JAG1: variants seen among roughly 807,000 people sequenced by gnomAD.
The protein encoded by JAG1 is jagged canonical Notch ligand 1, also known as protein jagged-1.
A neutral mutation model predicts 148.7 loss-of-function variants in JAG1; 23 were observed. The observed-to-expected ratio is 0.15, with a 90% CI of 0.11 to 0.22. JAG1 has a LOEUF of 0.22. Ranked by LOEUF, JAG1 falls within the 10% of genes least tolerant of loss-of-function variation. The pLI is 1.00. For synonymous variants in JAG1, 572 were observed against 598.3 expected (o/e 0.96, Z 0.64); for missense variants, 1,054 against 1,611.2 (o/e 0.65, Z 5.92).
At chr20:10,646,842 C>A (rs1286734230) in intron 14 of JAG1, 97 bp downstream of exon 14, 821 of 913,198 alleles carry the variant, frequency 9.0e-4, no homozygotes, top group Middle Eastern at 1.7e-3. Flanking sequence ...AAAAAAAAAA[C>A]TTTCAACACC....
chr20:10,647,217 G>T, intron 13 of JAG1, 114 bp from the exon 14 acceptor site: 1 of 1,234,068 alleles, frequency 8.1e-7, no homozygotes, highest in Non-Finnish European at 1.2e-6. Flanking sequence ...TCTGGCTAAT[G>T]AGACACACCC....
chr20:10,641,370 GAGA>G (rs2067270117), intron 23 of JAG1, 87 bp downstream of exon 23: 1 of 1,500,730 alleles, frequency 6.7e-7, no homozygotes, highest in Non-Finnish European at 9.2e-7. Flanking sequence ...GTAAGCTAGG[GAGA>G]AGTAGATCCT....
rs375199216 is a variant in JAG1, at chr20:10,658,610, G to T, written c.552C>A (p.Arg184=). 2.5e-6 allele frequency: 4 copies of T among 1,614,096 alleles called. No homozygotes were observed. The highest frequency in any genetic ancestry group is 3.4e-6 in the Non-Finnish European group (4 of 1,180,048). ...CATAGTAGTAGTCATCACAGGTCAC[G>T]CGGATCTGATACTCAAAGTGGGCAA... The part of the protein sequence containing the change: ...TGVAHFEYQI[R]VTCDDYYYGF... Residue 184 remains arginine, a synonymous_variant, in exon 4 of 26, where the codon CGC becomes CGA. Coordinates refer to ENST00000254958, the MANE Select transcript of JAG1 (RefSeq NM_000214.3).
chr20:10,659,449 C>T (rs2067400091), intron 3 of JAG1, among the ~76,000 whole-genome samples: 2 of 152,142 alleles, frequency 1.3e-5, no homozygotes, highest in African/African-American at 4.8e-5. Context: ...TTCATTATTC[C>T]AGATAAAGGT....
At chr20:10,651,775 A>C (rs561824116) in intron 7 of JAG1, 81 bp from the exon 8 acceptor site, 3 of 839,632 alleles carry the variant, frequency 3.6e-6, no homozygotes. Context: ...CGAATCCCAC[A>C]CCACAGCCAC....
intron 3 of JAG1, among the ~76,000 whole-genome samples, chr20:10,660,799 C>T (rs539055988): frequency 1.8e-4 from 28 of 152,262 alleles, no homozygotes; most frequent in Admixed American, 1.4e-3. Flanking sequence ...TGTGGCAGTT[C>T]GTTTGGCAGT....
chr20:10,639,518 G>C lies in JAG1; in HGVS notation c.3637C>G (p.Arg1213Gly), dbSNP rs769276255. ...RDLESAQSLN[R>G]MEYIV ...GTCTGCTATACGATGTACTCCATTC[G>C]GTTTAAGCTCTGGGCACTTTCCAAG... The change falls in exon 26 of 26, where the codon CGA becomes GGA. Residue 1213 changes from arginine to glycine, a missense_variant. Coordinates refer to ENST00000254958, the MANE Select transcript of JAG1 (RefSeq NM_000214.3). 6 of 1,614,028 alleles carry C rather than the reference G, an allele frequency of 3.7e-6. No homozygotes were observed. The highest frequency in any genetic ancestry group is 4.2e-6 in the Non-Finnish European group (5 of 1,180,026).
intron 20 of JAG1, 127 bp downstream of exon 20, chr20:10,643,651 G>A: frequency 1.3e-6 from 1 of 772,940 alleles, no homozygotes; most frequent in South Asian, 1.5e-5. Flanking sequence ...GGAGGAGAGA[G>A]ATCCTTTGCT....
rs751577946 is a variant in JAG1 at position 10,643,733 on chromosome 20, G to A, written c.2458+45C>T. ...AAAGTCTTGGGGTGAGGCATGGAAT[G>A]AAGCGGTAAAGCCATTGGGAAAACC... On this transcript the variant is annotated intron_variant, in intron 20 of 25. Coordinates refer to ENST00000254958, the MANE Select transcript of JAG1 (RefSeq NM_000214.3). The A allele has an allele frequency of 9.6e-6, 14 of 1,456,500 alleles. No homozygotes were observed. In the East Asian group the frequency reaches 2.7e-4, roughly 28 times the overall value. The allele number at this position is 1,456,500 out of a possible 1,614,324, so 90.2% of individuals were successfully genotyped here. A position where few individuals can be genotyped will look rare whatever the true frequency, so the allele number is the denominator to read the frequency against.
intron 4 of JAG1, among the ~76,000 whole-genome samples, chr20:10,656,895 A>G (rs1385891020): frequency 7.2e-6 from 1 of 138,612 alleles, no homozygotes; most frequent in African/African-American, 2.8e-5. Context: ...AAAAAAAAAA[A>G]CAACCCATAC....
Position 10,641,187 on chromosome 20 carries a change from C to T in JAG1, c.2974G>A (p.Val992Ile). 6 of 1,613,824 alleles carry T rather than the reference C, an allele frequency of 3.7e-6. No individual in the cohort carries two copies. Among genetic ancestry groups the T allele is most frequent in the East Asian group, 2.2e-5 (1 of 44,894 alleles). ...ELRNLNILKN[V>I]SAEYSIYIAC... ...ATGTAGATTGAATATTCAGCGGAAA[C>T]ATTCTTCAAAATATTCAAATTCCTC... The change falls in exon 24 of 26, where the codon GTT becomes ATT. Residue 992 changes from valine to isoleucine, a missense_variant. Physicochemically the swap from Val to Ile is conservative, Grantham distance 29 (BLOSUM62 3). Around this residue, in one of 6 missense-constraint regions of JAG1, gnomAD observed 342 missense variants for 514.6 expected, o/e 0.66. Coordinates refer to ENST00000254958, the MANE Select transcript of JAG1 (RefSeq NM_000214.3).
intron 21 of JAG1, 123 bp from the exon 22 acceptor site, chr20:10,642,015 A>G (rs2067275951): frequency 1.3e-6 from 1 of 753,580 alleles, no homozygotes; most frequent in African/African-American, 1.7e-5. Flanking sequence ...CATTCTTCCC[A>G]CAGTAACAGC....
At chr20:10,646,581 G>GGT (rs2067310298) in intron 14 of JAG1, among the ~76,000 whole-genome samples, 1 of 151,672 alleles carries the variant, frequency 6.6e-6, no homozygotes, top group South Asian at 2.1e-4. Context: ...GTTGGGGGTC[G>GGT]GGGGGTGGAT....
Position 10,639,245 on chromosome 20 carries a change from G to T in JAG1, c.*253C>A. On this transcript the variant is annotated 3_prime_UTR_variant, in exon 26 of 26. Coordinates refer to ENST00000254958, the MANE Select transcript of JAG1 (RefSeq NM_000214.3). Reference sequence around the variant, plus strand: ...GGGCAGGCTCCTGGGAGCCTGATCCGAGACCGTGTCGGCTGCAAGGGGACA... The same window carrying T: ...GGGCAGGCTCCTGGGAGCCTGATCCTAGACCGTGTCGGCTGCAAGGGGACA... 1.9e-6 allele frequency: 1 copy of T among 528,108 alleles called. No individual in the cohort carries two copies. 32.7% of individuals were successfully genotyped at this position (528,108 alleles called of 1,614,324 possible). A position where few individuals can be genotyped will look rare whatever the true frequency, so the allele number is the denominator to read the frequency against.
intron 3 of JAG1, among the ~76,000 whole-genome samples, chr20:10,661,591 G>A (rs2067417757): frequency 6.6e-6 from 1 of 152,202 alleles, no homozygotes; most frequent in Non-Finnish European, 1.5e-5. Context: ...GACAAAGCTG[G>A]GCTGCACAGA....
chr20:10,641,008 C>CTT, intron 24 of JAG1, 75 bp from the exon 25 acceptor site: 1 of 1,610,766 alleles, frequency 6.2e-7, no homozygotes, highest in South Asian at 1.1e-5. Context: ...ACTCGACAAT[C>CTT]TGTGTCTGCA....
intron 5 of JAG1, 68 bp downstream of exon 5, chr20:10,656,330 A>T: frequency 7.6e-7 from 1 of 1,307,428 alleles, no homozygotes; most frequent in South Asian, 1.2e-5. Context: ...CATAGTCACA[A>T]TAAAGTCAGT....
chr20:10,640,917 C>T lies in JAG1; in HGVS notation c.3065G>A (p.Arg1022Gln), dbSNP rs376089631. ...IHVAISAEDI[R>Q]DDGNPIKEIT... ...TTCCTTGATCGGGTTCCCATCATCC[C>T]GTATATCTTCAGCAGACTGGAAAAA... The change falls in exon 25 of 26, where the codon CGG (arginine) becomes CAG (glutamine). Residue 1022 changes from arginine (R) to glutamine (Q), a missense_variant. Physicochemically the swap from Arg to Gln is conservative, Grantham distance 43. This residue lies in a region of JAG1 where 342 missense variants were observed against 514.6 expected (regional missense o/e 0.66). Coordinates refer to ENST00000254958, the MANE Select transcript of JAG1 (RefSeq NM_000214.3). 24 of 1,613,958 alleles carry T rather than the reference C, an allele frequency of 1.5e-5. No individual in the cohort carries two copies. The highest frequency in any genetic ancestry group is 6.7e-5 in the African/African-American group (5 of 74,902).
rs1000501370 is a variant in JAG1, at chr20:10,651,361, C to A, written c.1120+220G>T. The A allele has an allele frequency of 9.6e-6, 5 of 521,284 alleles. No homozygotes were observed. In the Admixed American group the frequency reaches 1.3e-4, roughly 13 times the overall value. The allele number at this position is 521,284 out of a possible 1,614,324, so 32.3% of individuals were successfully genotyped here. A position where few individuals can be genotyped will look rare whatever the true frequency, so the allele number is the denominator to read the frequency against. On this transcript the variant is annotated intron_variant, in intron 8 of 25. Transcript: ENST00000254958. ...GAACAAGCGATTCCACGAGGACGTT[C>A]CTTCCAAGAACAGATACATGCGCTA...
Sources: gnomAD v4.1 joint callset for allele counts (sites outside exome capture counted in the v4.1 genomes callset) on GRCh38, gnomAD v4.1.1 for gene constraint, gnomAD v4.1.1 regional missense constraint, MANE v1.5 for transcripts, NCBI Gene and HGNC (gene_info 2026-07-23, HGNC 2026-07-21) for gene names.